The following SDK1 variants were observed in gnomAD, a reference collection of about 807,000 sequenced individuals.
SDK1 encodes sidekick cell adhesion molecule 1.
In SDK1, 157 loss-of-function variants were observed where a neutral mutation model predicts 245.5. That is an observed-to-expected ratio of 0.64 (90% CI 0.56 to 0.73). The LOEUF (loss-of-function observed/expected upper bound fraction) is 0.73, where lower values mean the gene tolerates loss of function less well. SDK1 is among the 30% of genes least tolerant of loss of function. The probability of loss-of-function intolerance (pLI) is 0.00; values close to 1 mark genes in which losing one functional copy is unlikely to be tolerated. For synonymous variants in SDK1, 1,647 were observed against 1,278.5 expected (o/e 1.29, Z -6.15); for missense variants, 3,583 against 3,002.3 (o/e 1.19, Z -4.52).
chr7:3,627,181 G>T (rs1431387417), intron 2 of SDK1, among the ~76,000 whole-genome samples: 1 of 152,086 alleles, frequency 6.6e-6, no homozygotes, highest in Non-Finnish European at 1.5e-5. Context: ...CACCCAGCTT[G>T]TCCTCCCCAA....
intron 32 of SDK1, among the ~76,000 whole-genome samples, chr7:4,166,367 C>T (rs2128214524): frequency 6.6e-6 from 1 of 152,360 alleles, no homozygotes; most frequent in Middle Eastern, 3.4e-3. Flanking sequence ...TCATTAAGCG[C>T]AGTGGGCTCT....
At chr7:3,557,069 T>C (rs1779611593) in intron 1 of SDK1, among the ~76,000 whole-genome samples, 1 of 150,274 alleles carries the variant, frequency 6.7e-6, no homozygotes, top group Admixed American at 6.6e-5. Flanking sequence ...AAGAGCAAAA[T>C]AAATCCAGAA....
intron 9 of SDK1, among the ~76,000 whole-genome samples, chr7:3,965,816 G>C (rs1181880743): frequency 5.9e-5 from 9 of 152,066 alleles, no homozygotes; most frequent in African/African-American, 1.9e-4. Context: ...TTCTCTAGGA[G>C]AGATTTAGAA....
chr7:3,709,488 G>A (rs1025203448), intron 4 of SDK1, among the ~76,000 whole-genome samples: 4 of 152,318 alleles, frequency 2.6e-5, no homozygotes, highest in South Asian at 2.1e-4. Flanking sequence ...GAGGCAGTCC[G>A]TCCCACTGTC....
chr7:4,122,316 G>C (rs891069647), intron 25 of SDK1, among the ~76,000 whole-genome samples: 2 of 152,136 alleles, frequency 1.3e-5, no homozygotes, highest in African/African-American at 2.4e-5. Flanking sequence ...TTTGAAATGG[G>C]GGGAGGCAGG....
At chr7:3,705,425 G>GATTTTATTTTATTTTATTTT (rs4039583) in intron 4 of SDK1, among the ~76,000 whole-genome samples, 11 of 113,842 alleles carry the variant, frequency 9.7e-5, no homozygotes, top group Admixed American at 9.0e-5. Flanking sequence ...TATTCCTAGT[G>GATTTTATTTTATTTTATTTT]ATTTTATTTT....
At chr7:3,990,692 C>A (rs1345361003) in intron 14 of SDK1, among the ~76,000 whole-genome samples, 5 of 152,216 alleles carry the variant, frequency 3.3e-5, no homozygotes, top group Non-Finnish European at 5.9e-5. Flanking sequence ...TCCTCATTCC[C>A]TGCACTTAGT....
intron 1 of SDK1, among the ~76,000 whole-genome samples, chr7:3,379,826 A>G (rs1781442387): frequency 2.0e-5 from 3 of 152,062 alleles, no homozygotes; most frequent in Admixed American, 6.5e-5. Context: ...AGCCACCTAC[A>G]TGATGCTCAA....
At chr7:3,552,585 TAGAG>T (rs1030800622) in intron 1 of SDK1, among the ~76,000 whole-genome samples, 5 of 152,248 alleles carry the variant, frequency 3.3e-5, no homozygotes, top group African/African-American at 1.2e-4. Flanking sequence ...GACCACGTTT[TAGAG>T]AGCCTCACTT....
chr7:3,370,045 C>T (rs1583756551), intron 1 of SDK1, among the ~76,000 whole-genome samples: 2 of 152,272 alleles, frequency 1.3e-5, no homozygotes, highest in Admixed American at 6.5e-5. Context: ...TTATTTGGCT[C>T]AGTTGGATTC....
chr7:4,146,550 C>G lies in SDK1; in HGVS notation c.4423+634C>G, dbSNP rs373801531. ...CTCTCTTAGATATGTGAGACGGTCT[C>G]AGGTTTAAGGAAAGCAACATTGCTC... On this transcript the variant is annotated intron_variant, in intron 29 of 44. Coordinates refer to ENST00000404826, the MANE Select transcript of SDK1 (RefSeq NM_152744.4). Among the ~76,000 whole-genome samples the G allele has an allele frequency of 2.5e-3, 376 of 152,350 alleles. 16 individuals are homozygous for G. The South Asian group carries it at 0.073, about 30-fold the overall frequency.
At position 3,985,792 on chromosome 7, in the gene SDK1, C is replaced by T. The variant is rs532352293; in HGVS notation, c.1995-1394C>T. ...AATATTAGTATGCTTATAAATGGTG[C>T]GTATGGGTTAGAGCTGTTTCTTGGG... is the stretch of plus-strand genomic sequence containing the variant. On this transcript the variant is annotated intron_variant, in intron 13 of 44. Transcript: ENST00000404826. Among the ~76,000 whole-genome samples, 23 of 152,126 alleles carry T rather than the reference C, an allele frequency of 1.5e-4. 1 individual carries two copies. Among genetic ancestry groups the T allele is most frequent in the African/African-American group, 5.1e-4 (21 of 41,484 alleles).
intron 1 of SDK1, among the ~76,000 whole-genome samples, chr7:3,616,529 CTT>C (rs1411888712): frequency 6.6e-6 from 1 of 152,208 alleles, no homozygotes; most frequent in Non-Finnish European, 1.5e-5. Flanking sequence ...GCTGCCAACA[CTT>C]TTGTTCTCAG....
intron 30 of SDK1, among the ~76,000 whole-genome samples, chr7:4,155,276 TAATC>T (rs767824158): frequency 3.3e-5 from 5 of 151,616 alleles, no homozygotes; most frequent in African/African-American, 4.9e-5. Context: ...CAGAGACACT[TAATC>T]AATCCTTGTT....
chr7:3,926,061 A>G (rs1359452361), intron 5 of SDK1, among the ~76,000 whole-genome samples: 6 of 152,200 alleles, frequency 3.9e-5, no homozygotes, highest in Non-Finnish European at 7.3e-5. Context: ...CAGGGAAATC[A>G]GTGTCACCTA....
At chr7:3,962,603 G>C in intron 8 of SDK1, 54 bp from the exon 9 acceptor site, 1 of 1,430,544 alleles carries the variant, frequency 7.0e-7, no homozygotes, top group Non-Finnish European at 9.5e-7. Context: ...ATGTGCTTCA[G>C]TTCTCACGTC....
At chr7:3,610,734 T>G (rs148896065) in intron 1 of SDK1, among the ~76,000 whole-genome samples, 25 of 152,342 alleles carry the variant, frequency 1.6e-4, no homozygotes, top group Non-Finnish European at 3.2e-4. Flanking sequence ...TTAAATATGG[T>G]GTTAATTTGC....
intron 4 of SDK1, among the ~76,000 whole-genome samples, chr7:3,748,592 A>G (rs1035301519): frequency 3.3e-5 from 5 of 152,178 alleles, no homozygotes; most frequent in Non-Finnish European, 5.9e-5. Context: ...TCTGGGAGGA[A>G]AACTGAAACC....
At chr7:3,459,201 A>G (rs956313562) in intron 1 of SDK1, among the ~76,000 whole-genome samples, 4 of 152,176 alleles carry the variant, frequency 2.6e-5, no homozygotes, top group Non-Finnish European at 4.4e-5. Flanking sequence ...AGTTTTGTCT[A>G]TTCTTTGAAG....
Sources: gnomAD v4.1 joint callset for allele counts (sites outside exome capture counted in the v4.1 genomes callset) on GRCh38, gnomAD v4.1.1 for gene constraint, MANE v1.5 for transcripts, NCBI Gene and HGNC (gene_info 2026-07-23, HGNC 2026-07-21) for gene names.